The following HTR3B variants were observed in gnomAD, a reference collection of about 807,000 sequenced individuals.
HTR3B encodes 5-hydroxytryptamine (serotonin) receptor 3B, ionotropic.
In HTR3B, 44 loss-of-function variants were observed where a neutral mutation model predicts 42.8. That is an observed-to-expected ratio of 1.03 (90% confidence interval 0.81 to 1.32). The LOEUF (loss-of-function observed/expected upper bound fraction) is 1.32. Among genes scored for constraint, HTR3B ranks in the 40% most tolerant of loss-of-function variants. The pLI, the probability that HTR3B is intolerant of heterozygous loss-of-function variation, is 0.00. For missense variants in HTR3B, 527 were observed against 536.5 expected, an observed-to-expected ratio of 0.98 and a Z score of 0.17; for synonymous variants, 203 against 209.0, an observed-to-expected ratio of 0.97 and a Z score of 0.25.
At chr11:113,935,561 T>C (rs1485661261) in intron 6 of HTR3B, among the ~76,000 whole-genome samples, 1 of 150,502 alleles carries the variant, frequency 6.6e-6, no homozygotes, top group East Asian at 2.0e-4. Context: ...CCTCCCAACC[T>C]CGCTCAGCCT....
At chr11:113,915,290 A>G (rs114300550) in intron 2 of HTR3B, among the ~76,000 whole-genome samples, 1,609 of 151,658 alleles carry the variant, frequency 0.011, 32 homozygotes, top group African/African-American at 0.037. Flanking sequence ...TGCAGCCTCA[A>G]CCTCCCATGC....
rs1380772821 is a variant in HTR3B at position 113,932,936 on chromosome 11, T to C, written c.539T>C (p.Val180Ala). The change falls in exon 6 of 9, where the codon GTG becomes GCG. Residue 180 changes from valine (V) to alanine (A), a missense_variant and splice_region_variant. Transcript: ENST00000260191. ...AGTCAATTGTTTGTGTTGTTTGCAG[T>C]GGAAGACGTAGACCTGGCCTTTCTG... ...SLTFKSILHT[V>A]EDVDLAFLRS... 5 of 1,613,552 alleles carry C rather than the reference T, an allele frequency of 3.1e-6. No homozygotes were observed. The highest frequency in any genetic ancestry group is 4.2e-6 in the Non-Finnish European group (5 of 1,179,810).
chr11:113,944,738 A>T lies in HTR3B; in HGVS notation c.1073A>T (p.Gln358Leu). 1 of 1,614,104 alleles carries T rather than the reference A, an allele frequency of 6.2e-7. No individual in the cohort carries two copies. The highest frequency in any genetic ancestry group is 8.5e-7 in the Non-Finnish European group (1 of 1,179,984). The change falls in exon 8 of 9, where the codon CAA (glutamine) becomes CTA (leucine). Residue 358 changes from glutamine to leucine, a missense_variant. Transcript: ENST00000260191. Reference protein sequence around the residue: ...ADRPRVEPRAQRAVVTESSLY... With the variant: ...ADRPRVEPRALRAVVTESSLY... ...AGGCCTAGAGTGGAACCCAGGGCCCAACGTGCTGTGGTAACAGGTGTGTGA... is the reference window on the plus strand; with the variant it reads ...AGGCCTAGAGTGGAACCCAGGGCCCTACGTGCTGTGGTAACAGGTGTGTGA...
chr11:113,931,344 C>T, intron 2 of HTR3B, 40 bp from the exon 3 acceptor site: 1 of 1,491,692 alleles, frequency 6.7e-7, no homozygotes, highest in Non-Finnish European at 9.2e-7. Context: ...GATTTATTGA[C>T]ATTCTAAGAT....
chr11:113,902,196 A>G (rs929635856), upstream of HTR3B, among the ~76,000 whole-genome samples: 2 of 152,254 alleles, frequency 1.3e-5, no homozygotes, highest in African/African-American at 4.8e-5. Context: ...AATGTATAGC[A>G]GAATTGGATG....
At chr11:113,938,099 A>G (rs956474527) in intron 6 of HTR3B, among the ~76,000 whole-genome samples, 2 of 151,948 alleles carry the variant, frequency 1.3e-5, no homozygotes, top group Non-Finnish European at 2.9e-5. Flanking sequence ...TCAGAACTCC[A>G]GTCACATTGG....
intron 6 of HTR3B, among the ~76,000 whole-genome samples, chr11:113,941,971 C>T (rs1435472215): frequency 1.3e-5 from 2 of 152,204 alleles, no homozygotes; most frequent in Admixed American, 6.5e-5. Flanking sequence ...TTTGAGCCGT[C>T]TTCAAACTTC....
chr11:113,913,524 T>A lies in HTR3B; in HGVS notation c.213+4069T>A, dbSNP rs12270143. On this transcript the variant is annotated intron_variant, in intron 2 of 8. Transcript: ENST00000260191. ...CCATGCTTGGCCTTTTTAAAAAAAA[T>A]TTTATTTTTAGATGAAATCTCTCTC... 4.9e-3 allele frequency among the ~76,000 whole-genome samples: 725 copies of A among 149,400 alleles called. 11 individuals are homozygous for A. The highest frequency in any genetic ancestry group is 0.016 in the African/African-American group (646 of 40,438).
intron 2 of HTR3B, among the ~76,000 whole-genome samples, chr11:113,921,728 A>C (rs1368269687): frequency 3.3e-5 from 5 of 152,184 alleles, no homozygotes; most frequent in African/African-American, 4.8e-5. Context: ...AGTGTATCGA[A>C]TTGAAAATAT....
intron 2 of HTR3B, among the ~76,000 whole-genome samples, chr11:113,912,059 G>A (rs888656259): frequency 6.6e-6 from 1 of 152,164 alleles, no homozygotes; most frequent in African/African-American, 2.4e-5. Flanking sequence ...TTATGTTGCG[G>A]TGTGTATCAG....
chr11:113,946,704 A>C lies in HTR3B; in HGVS notation c.*567A>C, dbSNP rs1224504438. 6.6e-6 allele frequency: 1 copy of C among 152,270 alleles called. No individual in the cohort carries two copies. The highest frequency in any genetic ancestry group is 1.5e-5 in the Non-Finnish European group (1 of 68,082). 9.4% of individuals were successfully genotyped at this position (152,270 alleles called of 1,614,324 possible). On this transcript the variant is annotated 3_prime_UTR_variant, in exon 9 of 9. Coordinates refer to ENST00000260191, the MANE Select transcript of HTR3B (RefSeq NM_006028.5). ...TTCTTATCCCAGTCCACTCACCCAA[A>C]GCAACCACTGTTAGTAATTTCTTCC...
rs565220295 is a variant in HTR3B at position 113,921,642 on chromosome 11, G to C, written c.214-9742G>C. On this transcript the variant is annotated intron_variant, in intron 2 of 8. Coordinates refer to ENST00000260191, the MANE Select transcript of HTR3B (RefSeq NM_006028.5). ...CAAAAAAAAAAAAAAAATTGCTCAG[G>C]CTTTCCTTTAGAGGTTTATTTGGAG... Among the ~76,000 whole-genome samples, 5 of 151,978 alleles carry C rather than the reference G, an allele frequency of 3.3e-5. No homozygotes were observed. In the East Asian group the frequency reaches 7.8e-4, roughly 24 times the overall value.
At chr11:113,913,971 C>T (rs1472107292) in intron 2 of HTR3B, among the ~76,000 whole-genome samples, 2 of 152,112 alleles carry the variant, frequency 1.3e-5, no homozygotes, top group African/African-American at 4.8e-5. Flanking sequence ...TGCTACGATG[C>T]AGTGAGGAAG....
At chr11:113,926,468 TTTTCC>T (rs59706001) in intron 2 of HTR3B, among the ~76,000 whole-genome samples, 18,580 of 79,892 alleles carry the variant, frequency 0.23, 1,898 homozygotes, top group Non-Finnish European at 0.27. Flanking sequence ...CTTTCCTTTC[TTTTCC>T]TTTCCTTTCC....
intron 2 of HTR3B, among the ~76,000 whole-genome samples, chr11:113,915,707 G>A (rs1366228029): frequency 6.6e-6 from 1 of 152,166 alleles, no homozygotes; most frequent in Non-Finnish European, 1.5e-5. Flanking sequence ...GTTGTATGAT[G>A]GGTCTATGTT....
Position 113,909,467 on chromosome 11 carries a change from C to A in HTR3B, c.213+12C>A. The A allele has an allele frequency of 1.2e-6, 2 of 1,609,406 alleles. No homozygotes were observed. Among genetic ancestry groups the A allele is most frequent in the Admixed American group, 3.4e-5 (2 of 59,134 alleles). On this transcript the variant is annotated intron_variant, in intron 2 of 8. Transcript: ENST00000260191. ...CTATATTGGATGTGGTAAGGACCAT[C>A]TTGCCCCTTCCTATTCTTGTTAACG...
At chr11:113,922,512 G>A (rs1275452903) in intron 2 of HTR3B, among the ~76,000 whole-genome samples, 1 of 152,024 alleles carries the variant, frequency 6.6e-6, no homozygotes, top group African/African-American at 2.4e-5. Context: ...GGGATTACAG[G>A]CATGAGCCGC....
intron 2 of HTR3B, among the ~76,000 whole-genome samples, chr11:113,910,153 AAG>A (rs1949774401): frequency 6.6e-6 from 1 of 152,144 alleles, no homozygotes; most frequent in African/African-American, 2.4e-5. Flanking sequence ...TGAGATTTAA[AAG>A]AGAGAAAAAA....
intron 2 of HTR3B, among the ~76,000 whole-genome samples, chr11:113,918,086 T>C (rs1361905049): frequency 2.0e-5 from 3 of 152,184 alleles, no homozygotes; most frequent in Non-Finnish European, 2.9e-5. Flanking sequence ...TCATTTCTTA[T>C]AACAATATAT....
Sources: gnomAD v4.1 joint callset for allele counts (sites outside exome capture counted in the v4.1 genomes callset) on GRCh38, gnomAD v4.1.1 for gene constraint, MANE v1.5 for transcripts, NCBI Gene and HGNC (gene_info 2026-07-23, HGNC 2026-07-21) for gene names.